The following PAK5 variants were observed in gnomAD, a reference collection of about 807,000 sequenced individuals.
PAK5 encodes the protein serine/threonine-protein kinase PAK 5.
Under a neutral mutation model 65.9 loss-of-function variants are expected in PAK5, and 16 were observed. That is an observed-to-expected ratio of 0.24 (90% CI 0.16 to 0.37). The LOEUF is 0.37. Among genes scored for constraint, PAK5 ranks in the 10% least tolerant of loss-of-function variants. The probability of loss-of-function intolerance (pLI) is 1.00; values close to 1 mark genes in which losing one functional copy is unlikely to be tolerated. For missense variants in PAK5, 785 were observed against 903.9 expected, an observed-to-expected ratio of 0.87 and a Z score of 1.69; for synonymous variants, 371 against 354.9, an observed-to-expected ratio of 1.05 and a Z score of -0.51.
intron 4 of PAK5, among the ~76,000 whole-genome samples, chr20:9,566,947 C>T (rs1205723022): frequency 1.3e-5 from 2 of 151,986 alleles, no homozygotes; most frequent in Non-Finnish European, 2.9e-5. Flanking sequence ...ATGCTAGACC[C>T]GAAAGAGATC....
At chr20:9,711,017 G>A (rs376603603) in intron 2 of PAK5, among the ~76,000 whole-genome samples, 6 of 152,068 alleles carry the variant, frequency 3.9e-5, no homozygotes, top group African/African-American at 4.8e-5. Context: ...CCCTTATCTC[G>A]TTAACCTGCT....
At chr20:9,794,895 C>A (rs183770330) in intron 1 of PAK5, among the ~76,000 whole-genome samples, 136 of 152,050 alleles carry the variant, frequency 8.9e-4, no homozygotes, top group African/African-American at 3.2e-3. Context: ...TTTCTTCTCA[C>A]TCTCATTCCC....
chr20:9,548,051 C>T (rs1442166003), intron 7 of PAK5, among the ~76,000 whole-genome samples: 1 of 152,196 alleles, frequency 6.6e-6, no homozygotes, highest in African/African-American at 2.4e-5. Context: ...GGCGCAAACA[C>T]ACGAGTCCAC....
chr20:9,640,328 T>C (rs538029019), intron 3 of PAK5, among the ~76,000 whole-genome samples: 3 of 151,524 alleles, frequency 2.0e-5, no homozygotes, highest in Non-Finnish European at 2.9e-5. Flanking sequence ...TTTTTGTCCT[T>C]GTGATAGTTT....
In PAK5 at chr20:9,838,016, ACTGAGCAGT is replaced by A. The variant is rs2123799514; in HGVS notation, c.-162+737_-162+745del. Among the ~76,000 whole-genome samples, 1 of 152,194 alleles carries A rather than the reference ACTGAGCAGT, an allele frequency of 6.6e-6. No homozygotes were observed. Among genetic ancestry groups the A allele is most frequent in the South Asian group, 2.1e-4 (1 of 4,814 alleles). On this transcript the variant is annotated intron_variant, in intron 1 of 9. Transcript: ENST00000353224. This position sits in a 1 kb window ranked among gnomAD's most constrained non-coding sequence, Gnocchi z 4.5. ...AAGGGCGATCGCGCTTATCCTCCAA[ACTGAGCAGT>A]GATGATCCCTGGACTTCTCAAGTTT...
At chr20:9,665,230 G>T (rs937180284) in intron 2 of PAK5, among the ~76,000 whole-genome samples, 3 of 151,214 alleles carry the variant, frequency 2.0e-5, no homozygotes, top group Non-Finnish European at 4.4e-5. Flanking sequence ...AACTTGTAAG[G>T]CTTGAAAGGA....
At chr20:9,588,614 A>G (rs1354972086) in intron 3 of PAK5, among the ~76,000 whole-genome samples, 1 of 152,224 alleles carries the variant, frequency 6.6e-6, no homozygotes, top group Non-Finnish European at 1.5e-5. Context: ...AAATCCAAAC[A>G]TGCAGAGTTT....
intron 3 of PAK5, among the ~76,000 whole-genome samples, chr20:9,627,774 C>T (rs965038238): frequency 1.3e-5 from 2 of 151,932 alleles, no homozygotes; most frequent in African/African-American, 2.4e-5. Context: ...TTACAGGTGC[C>T]CGCCACCACA....
intron 9 of PAK5, 134 bp downstream of exon 9, chr20:9,542,452 G>A (rs1428160806): frequency 8.0e-6 from 7 of 878,394 alleles, no homozygotes; most frequent in Middle Eastern, 3.1e-4. Context: ...TCAAACCTAA[G>A]TGACTATTTC....
intron 3 of PAK5, among the ~76,000 whole-genome samples, chr20:9,609,593 C>T (rs1036974024): frequency 2.6e-5 from 4 of 152,182 alleles, no homozygotes; most frequent in Non-Finnish European, 5.9e-5. Flanking sequence ...GTTCTGCTGC[C>T]AACCCTCAGC....
chr20:9,650,027 C>T (rs2123294701), intron 2 of PAK5, among the ~76,000 whole-genome samples: 1 of 152,310 alleles, frequency 6.6e-6, no homozygotes, highest in Admixed American at 6.5e-5. Flanking sequence ...GACTTGAATA[C>T]TAGTCCAGCC....
intron 7 of PAK5, among the ~76,000 whole-genome samples, chr20:9,548,242 T>C (rs2045373928): frequency 6.6e-6 from 1 of 152,172 alleles, no homozygotes; most frequent in Admixed American, 6.5e-5. Context: ...GGTTATCTTA[T>C]GGTCCATTCC....
At chr20:9,569,726 G>A (rs952763014) in intron 4 of PAK5, among the ~76,000 whole-genome samples, 1 of 149,144 alleles carries the variant, frequency 6.7e-6, no homozygotes, top group African/African-American at 2.6e-5. Flanking sequence ...AGCAATAACT[G>A]CACACAGTGG....
chr20:9,707,358 C>T (rs913872685), intron 2 of PAK5, among the ~76,000 whole-genome samples: 2 of 152,132 alleles, frequency 1.3e-5, no homozygotes, highest in African/African-American at 4.8e-5. Context: ...GATCCTTCTA[C>T]CTCAGCCTCT....
chr20:9,687,621 A>T (rs1234048295), intron 2 of PAK5, among the ~76,000 whole-genome samples: 1 of 152,176 alleles, frequency 6.6e-6, no homozygotes, highest in Non-Finnish European at 1.5e-5. Context: ...ACATAGAAAT[A>T]CATGGTGATT....
chr20:9,714,855 G>T (rs1156712543), intron 1 of PAK5, among the ~76,000 whole-genome samples: 2 of 152,156 alleles, frequency 1.3e-5, no homozygotes, highest in Admixed American at 6.5e-5. Flanking sequence ...TAGAAAGCTG[G>T]AACTAGATCC....
At chr20:9,684,448 G>A (rs920123355) in intron 2 of PAK5, among the ~76,000 whole-genome samples, 5 of 152,190 alleles carry the variant, frequency 3.3e-5, no homozygotes, top group Non-Finnish European at 5.9e-5. Flanking sequence ...AGCCATGAAA[G>A]ACTTCAAGGA....
intron 1 of PAK5, among the ~76,000 whole-genome samples, chr20:9,725,084 C>T (rs1472035967): frequency 1.3e-5 from 2 of 151,862 alleles, no homozygotes; most frequent in African/African-American, 2.4e-5. Context: ...ATGGAACACA[C>T]ACACACAAAC....
chr20:9,741,050 C>A (rs2048445752), intron 1 of PAK5, among the ~76,000 whole-genome samples: 2 of 152,202 alleles, frequency 1.3e-5, no homozygotes. Flanking sequence ...CACTGTCAAA[C>A]TCTACCCCAT....
Sources: gnomAD v4.1 joint callset for allele counts (sites outside exome capture counted in the v4.1 genomes callset) on GRCh38, gnomAD v4.1.1 for gene constraint, Gnocchi (gnomAD v3.1) non-coding constraint, MANE v1.5 for transcripts, NCBI Gene and HGNC (gene_info 2026-07-23, HGNC 2026-07-21) for gene names.